Variants in PRKG1 observed in about 807,000 individuals in gnomAD.
PRKG1 encodes the protein cGMP-dependent protein kinase 1.
PRKG1 carries 35 observed loss-of-function variants against 88.1 expected under a neutral mutation model. The observed-to-expected ratio is 0.40, with a 90% CI of 0.30 to 0.53. The LOEUF is 0.53. Ranked by LOEUF, PRKG1 falls within the 20% of genes least tolerant of loss-of-function variation. PRKG1 has a pLI of 0.59. For synonymous variants in PRKG1, 303 were observed against 292.5 expected (o/e 1.04, Z -0.37); for missense variants, 540 against 839.8 (o/e 0.64, Z 4.41).
At chr10:51,177,299 G>A (rs1230678584) in intron 2 of PRKG1, among the ~76,000 whole-genome samples, 1 of 152,150 alleles carries the variant, frequency 6.6e-6, no homozygotes, top group African/African-American at 2.4e-5. Flanking sequence ...TGAGCAAAAT[G>A]GATGAATTTA....
intron 4 of PRKG1, among the ~76,000 whole-genome samples, chr10:51,860,902 G>A (rs1409619597): frequency 6.6e-6 from 1 of 152,166 alleles, no homozygotes; most frequent in Non-Finnish European, 1.5e-5. Context: ...TGAATAGAAA[G>A]CTGGAGTAAA....
chr10:51,616,738 A>G (rs1298748984), intron 3 of PRKG1, among the ~76,000 whole-genome samples: 1 of 152,114 alleles, frequency 6.6e-6, no homozygotes, highest in African/African-American at 2.4e-5. Flanking sequence ...TTGGTAGGAT[A>G]CACAGGTGAG....
intron 3 of PRKG1, among the ~76,000 whole-genome samples, chr10:51,549,654 G>A (rs1405235693): frequency 6.6e-6 from 1 of 152,066 alleles, no homozygotes; most frequent in African/African-American, 2.4e-5. Context: ...ATTTTCATGT[G>A]ACCTAATTAA....
At chr10:51,490,471 A>G (rs956355295) in intron 3 of PRKG1, among the ~76,000 whole-genome samples, 4 of 152,130 alleles carry the variant, frequency 2.6e-5, no homozygotes, top group African/African-American at 7.2e-5. Context: ...CTCAACATCT[A>G]TTGAACTCTC....
intron 9 of PRKG1, among the ~76,000 whole-genome samples, chr10:52,173,482 A>G (rs1474265174): frequency 3.3e-5 from 5 of 152,184 alleles, no homozygotes; most frequent in South Asian, 4.1e-4. Flanking sequence ...TTTGTAAATA[A>G]TGGATTTAAA....
At chr10:51,413,369 T>G (rs10997442) in intron 2 of PRKG1, among the ~76,000 whole-genome samples, 18,060 of 151,982 alleles carry the variant, frequency 0.12, 1,312 homozygotes, top group Admixed American at 0.23. Context: ...TTTGTTTGTT[T>G]GTTTGTTTTT....
At chr10:52,172,761 G>A (rs1298069851) in intron 9 of PRKG1, among the ~76,000 whole-genome samples, 1 of 152,174 alleles carries the variant, frequency 6.6e-6, no homozygotes, top group Non-Finnish European at 1.5e-5. Context: ...CCTAGTGAGT[G>A]AGAGCAAGGC....
At chr10:51,993,234 C>T (rs1246611032) in intron 5 of PRKG1, among the ~76,000 whole-genome samples, 1 of 151,912 alleles carries the variant, frequency 6.6e-6, no homozygotes, top group Non-Finnish European at 1.5e-5. Flanking sequence ...TTTTTAAATT[C>T]CCTCATTATT....
chr10:51,376,317 A>T (rs1183860786), intron 2 of PRKG1, among the ~76,000 whole-genome samples: 1 of 152,206 alleles, frequency 6.6e-6, no homozygotes, highest in Non-Finnish European at 1.5e-5. Flanking sequence ...TTCCAATCAC[A>T]ATACAGTTGT....
At chr10:51,589,240 AG>A (rs1379481556) in intron 3 of PRKG1, among the ~76,000 whole-genome samples, 5 of 152,180 alleles carry the variant, frequency 3.3e-5, no homozygotes, top group Non-Finnish European at 7.4e-5. Flanking sequence ...AAAACAAACA[AG>A]GGGGAAAAAC....
rs531149214 is a variant in PRKG1, at chr10:52,284,724, A to G, written c.1709+2408A>G. On this transcript the variant is annotated intron_variant, in intron 14 of 17. Coordinates refer to ENST00000373980, the MANE Select transcript of PRKG1 (RefSeq NM_006258.4). ...CTGGCTGGACCTTGAAAAAGCAAAG[A>G]CTGTTCATGCAGAGACCTAATTAAG... Among the ~76,000 whole-genome samples, 16 of 152,140 alleles carry G rather than the reference A, an allele frequency of 1.1e-4. No homozygotes were observed. In the South Asian group the frequency reaches 3.3e-3, roughly 32 times the overall value.
In PRKG1 at chr10:50,991,321, C is replaced by CCGT; in HGVS notation, c.-56_-55insTCG. On this transcript the variant is annotated 5_prime_UTR_variant, in exon 1 of 18. Coordinates refer to the PRKG1 transcript ENST00000401604. This position sits in a 1 kb window ranked among gnomAD's most constrained non-coding sequence, Gnocchi z 4.5. ...CCGGCTGCCGTCCCAGCCGCCGCCG[C>CCGT]CGCCGCCGCCGCCGCCGCCGCCCGA... 4 of 1,395,554 alleles carry CCGT rather than the reference C, an allele frequency of 2.9e-6. No individual in the cohort carries two copies. The highest frequency in any genetic ancestry group is 3.8e-6 in the Non-Finnish European group (4 of 1,052,956). 86.4% of individuals were successfully genotyped at this position (1,395,554 alleles called of 1,614,324 possible). A position where few individuals can be genotyped will look rare whatever the true frequency, so the allele number is the denominator to read the frequency against.
chr10:51,751,912 TAAAC>T (rs1837735627), intron 3 of PRKG1, among the ~76,000 whole-genome samples: 1 of 152,154 alleles, frequency 6.6e-6, no homozygotes, highest in African/African-American at 2.4e-5. Flanking sequence ...GAATGGATGA[TAAAC>T]AAATACTTGG....
chr10:51,230,019 TA>T (rs1438503898), intron 2 of PRKG1, among the ~76,000 whole-genome samples: 2 of 151,682 alleles, frequency 1.3e-5, no homozygotes, highest in Non-Finnish European at 1.5e-5. Flanking sequence ...TAATTTTAAC[TA>T]AGCAATATCA....
intron 2 of PRKG1, among the ~76,000 whole-genome samples, chr10:51,288,419 T>A (rs1420842083): frequency 6.6e-6 from 1 of 152,214 alleles, no homozygotes; most frequent in Non-Finnish European, 1.5e-5. Flanking sequence ...AGATTAATTA[T>A]TGATGTTTCT....
At chr10:51,001,792 T>C (rs1436203434) in intron 1 of PRKG1, among the ~76,000 whole-genome samples, 3 of 152,138 alleles carry the variant, frequency 2.0e-5, no homozygotes, top group Non-Finnish European at 4.4e-5. Context: ...ATTTCAACCA[T>C]TACCACAAGA....
intron 9 of PRKG1, among the ~76,000 whole-genome samples, chr10:52,247,375 G>A (rs1412353647): frequency 3.3e-5 from 5 of 152,060 alleles, no homozygotes; most frequent in Non-Finnish European, 5.9e-5. Flanking sequence ...ATGAAACTGG[G>A]CCTAATTCCT....
intron 5 of PRKG1, among the ~76,000 whole-genome samples, chr10:51,976,929 T>C (rs1843852012): frequency 6.6e-6 from 1 of 152,024 alleles, no homozygotes; most frequent in Non-Finnish European, 1.5e-5. Flanking sequence ...TCCATATATA[T>C]TGAATGTTTC....
At chr10:52,267,965 T>C (rs1013022667) in intron 10 of PRKG1, among the ~76,000 whole-genome samples, 4 of 152,126 alleles carry the variant, frequency 2.6e-5, no homozygotes, top group Admixed American at 1.3e-4. Context: ...GATGAATATG[T>C]TACTTGGGCT....
Sources: gnomAD v4.1 joint callset for allele counts (sites outside exome capture counted in the v4.1 genomes callset) on GRCh38, gnomAD v4.1.1 for gene constraint, Gnocchi (gnomAD v3.1) non-coding constraint, MANE v1.5 for transcripts, NCBI Gene and HGNC (gene_info 2026-07-23, HGNC 2026-07-21) for gene names.